Variants in FNDC3A observed in about 807,000 individuals in gnomAD.
FNDC3A encodes the protein fibronectin type III domain containing 3A.
Under a neutral mutation model 148.9 loss-of-function variants are expected in FNDC3A, and 32 were observed. The observed-to-expected ratio is 0.21, with a 90% CI of 0.16 to 0.29. The LOEUF is 0.29. FNDC3A is among the 10% of genes least tolerant of loss of function. FNDC3A has a pLI of 1.00. For synonymous variants in FNDC3A, 472 were observed against 473.6 expected (o/e 1.00, Z 0.04); for missense variants, 1,191 against 1,452.8 (o/e 0.82, Z 2.93).
intron 9 of FNDC3A, 21 bp from the exon 10 acceptor site, chr13:49,168,592 C>T: frequency 6.3e-7 from 1 of 1,583,948 alleles, no homozygotes. Context: ...AAAGGTAAAA[C>T]TATTTATTTT....
At chr13:49,169,469 AT>A (rs746539644) in intron 10 of FNDC3A, among the ~76,000 whole-genome samples, 9 of 152,184 alleles carry the variant, frequency 5.9e-5, no homozygotes, top group Middle Eastern at 3.2e-3. Context: ...GAAGAGAACA[AT>A]TCCCCATCAT....
chr13:49,128,278 A>G (rs1276391234), intron 4 of FNDC3A, among the ~76,000 whole-genome samples: 21 of 152,186 alleles, frequency 1.4e-4, no homozygotes, highest in Admixed American at 1.4e-3. Context: ...AGATTACTAC[A>G]GTAGCTTTCT....
intron 7 of FNDC3A, among the ~76,000 whole-genome samples, chr13:49,141,411 C>T (rs766309280): frequency 6.6e-6 from 1 of 152,100 alleles, no homozygotes; most frequent in South Asian, 2.1e-4. Context: ...AGAATCATTA[C>T]CCCTTCCCTT....
intron 2 of FNDC3A, chr13:49,046,804 T>C (rs1431926533): frequency 6.6e-6 from 1 of 152,172 alleles, no homozygotes; most frequent in Non-Finnish European, 1.5e-5. Context: ...CTTTGTGGAA[T>C]GTAAACCAAA....
intron 8 of FNDC3A, among the ~76,000 whole-genome samples, chr13:49,160,831 A>G (rs923443625): frequency 6.6e-6 from 1 of 151,408 alleles, no homozygotes; most frequent in Non-Finnish European, 1.5e-5. Flanking sequence ...CTTTGTTCTC[A>G]TTGGTTTCAA....
intron 3 of FNDC3A, among the ~76,000 whole-genome samples, chr13:49,094,308 A>G (rs1190916048): frequency 6.6e-6 from 1 of 152,158 alleles, no homozygotes; most frequent in East Asian, 1.9e-4. Context: ...CTTTCTGATT[A>G]ACTGAAAACC....
chr13:49,068,357 C>A (rs867989008), intron 2 of FNDC3A, among the ~76,000 whole-genome samples: 1 of 151,258 alleles, frequency 6.6e-6, no homozygotes, highest in East Asian at 1.9e-4. Context: ...GAGTGAGACC[C>A]GTCTATAAAA....
intron 8 of FNDC3A, 33 bp from the exon 9 acceptor site, chr13:49,167,211 A>G (rs755049465): frequency 1.5e-5 from 21 of 1,384,224 alleles, no homozygotes; most frequent in Non-Finnish European, 2.1e-5. Flanking sequence ...TGCTTTATTT[A>G]TCAGACATGA....
intron 1 of FNDC3A, among the ~76,000 whole-genome samples, chr13:48,981,322 A>G (rs980261580): frequency 6.6e-6 from 1 of 152,032 alleles, no homozygotes; most frequent in Non-Finnish European, 1.5e-5. Context: ...GTTTCTTGCA[A>G]TCTTGGTTTT....
At chr13:49,121,228 C>T (rs1218890588) in intron 4 of FNDC3A, among the ~76,000 whole-genome samples, 1 of 152,180 alleles carries the variant, frequency 6.6e-6, no homozygotes, top group Non-Finnish European at 1.5e-5. Context: ...AACTGAACAA[C>T]CTGCTCCTGA....
chr13:49,168,548 G>A lies in FNDC3A; in HGVS notation c.1038-65G>A, dbSNP rs183627876. ...CTTCCTAATCTGCAAGTACTTAAAG[G>A]TGACACTATTGAAAACAGGATACAG... On this transcript the variant is annotated intron_variant, in intron 9 of 25. Transcript: ENST00000492622. The A allele has an allele frequency of 2.3e-5, 28 of 1,206,046 alleles. No individual in the cohort carries two copies. In the East Asian group the frequency reaches 6.5e-4, roughly 28 times the overall value. The allele number at this position is 1,206,046 out of a possible 1,614,324, so 74.7% of individuals were successfully genotyped here.
At chr13:49,156,412 G>A (rs1348492009) in intron 8 of FNDC3A, among the ~76,000 whole-genome samples, 1 of 150,700 alleles carries the variant, frequency 6.6e-6, no homozygotes, top group Non-Finnish European at 1.5e-5. Flanking sequence ...GCCTATGTGT[G>A]TCTCTGCACG....
intron 2 of FNDC3A, among the ~76,000 whole-genome samples, chr13:49,018,277 A>G (rs1037038330): frequency 6.6e-6 from 1 of 152,052 alleles, no homozygotes; most frequent in African/African-American, 2.4e-5. Flanking sequence ...ATAGTCGCAT[A>G]TTTCTTGGAG....
At chr13:49,107,487 G>A (rs554277475) in intron 3 of FNDC3A, among the ~76,000 whole-genome samples, 1 of 152,248 alleles carries the variant, frequency 6.6e-6, no homozygotes, top group South Asian at 2.1e-4. Flanking sequence ...CTGACAGGAC[G>A]GAAATGACCA....
intron 4 of FNDC3A, among the ~76,000 whole-genome samples, chr13:49,129,845 T>C (rs998749330): frequency 6.6e-6 from 1 of 152,216 alleles, no homozygotes; most frequent in African/African-American, 2.4e-5. Flanking sequence ...TTTAGGCTTA[T>C]CTATACCCAG....
intron 2 of FNDC3A, among the ~76,000 whole-genome samples, chr13:49,021,827 G>T (rs3012118): frequency 0.31 from 47,767 of 152,004 alleles, 7,599 homozygotes; most frequent in South Asian, 0.48. Flanking sequence ...GAATAAAAAT[G>T]CAGTATGATC....
intron 1 of FNDC3A, among the ~76,000 whole-genome samples, chr13:48,997,219 C>T (rs144105344): frequency 6.6e-6 from 1 of 152,174 alleles, no homozygotes; most frequent in East Asian, 1.9e-4. Flanking sequence ...AGTTTCAAAC[C>T]CCAGACCAAG....
At chr13:49,128,090 C>G (rs1593629565) in intron 4 of FNDC3A, among the ~76,000 whole-genome samples, 2 of 152,084 alleles carry the variant, frequency 1.3e-5, no homozygotes, top group East Asian at 3.8e-4. Flanking sequence ...CCATATTGGC[C>G]AGGCTGGTCT....
At chr13:48,986,245 GT>G (rs1301734273) in intron 1 of FNDC3A, among the ~76,000 whole-genome samples, 2 of 151,802 alleles carry the variant, frequency 1.3e-5, no homozygotes, top group African/African-American at 2.4e-5. Context: ...TTCGAATGTA[GT>G]TTTTTTAAAG....
Sources: allele counts gnomAD v4.1 joint callset (sites outside exome capture counted in the v4.1 genomes callset), GRCh38; gene constraint gnomAD v4.1.1; transcripts MANE v1.5; gene names NCBI Gene and HGNC (gene_info 2026-07-23, HGNC 2026-07-21).